CSMD1: variants seen among roughly 807,000 people sequenced by gnomAD.
The protein encoded by CSMD1 is CUB and sushi domain-containing protein 1.
In CSMD1, 213 loss-of-function variants were observed where a neutral mutation model predicts 417.5. That is an observed-to-expected ratio of 0.51 (90% CI 0.46 to 0.57). The LOEUF is 0.57. Ranked by LOEUF, CSMD1 falls within the 20% of genes least tolerant of loss-of-function variation. The probability of loss-of-function intolerance (pLI) is 0.00; values close to 1 mark genes in which losing one functional copy is unlikely to be tolerated. For synonymous variants in CSMD1, 2,862 were observed against 1,736.8 expected, an observed-to-expected ratio of 1.65 and a Z score of -16.11; for missense variants, 6,923 against 4,529.7, an observed-to-expected ratio of 1.53 and a Z score of -15.17.
chr8:3,188,176 T>C (rs1796188527), intron 35 of CSMD1, among the ~76,000 whole-genome samples: 1 of 148,410 alleles, frequency 6.7e-6, no homozygotes, highest in Admixed American at 6.8e-5. Context: ...AATGCCATAA[T>C]ATTATATATA....
At chr8:3,180,778 C>A (rs1563117172) in intron 37 of CSMD1, among the ~76,000 whole-genome samples, 1 of 151,980 alleles carries the variant, frequency 6.6e-6, no homozygotes, top group South Asian at 2.1e-4. Context: ...TACAGGCGCC[C>A]GTCACCATGC....
intron 2 of CSMD1, among the ~76,000 whole-genome samples, chr8:4,510,092 G>C (rs1040842541): frequency 7.9e-5 from 12 of 152,018 alleles, no homozygotes; most frequent in Non-Finnish European, 1.8e-4. Flanking sequence ...TAGTGAATAA[G>C]TCTAAAGAGA....
intron 1 of CSMD1, among the ~76,000 whole-genome samples, chr8:4,913,914 G>A (rs938734819): frequency 6.6e-6 from 1 of 152,234 alleles, no homozygotes; most frequent in Admixed American, 6.5e-5. Context: ...TAATTAATGC[G>A]ATTACCAAAG....
chr8:3,461,922 G>A (rs1170871625), intron 12 of CSMD1, among the ~76,000 whole-genome samples: 1 of 152,238 alleles, frequency 6.6e-6, no homozygotes, highest in East Asian at 1.9e-4. Flanking sequence ...CAGCTGAGAG[G>A]CCAGCTAAGG....
chr8:3,232,824 T>C (rs1375390326), intron 26 of CSMD1, among the ~76,000 whole-genome samples: 1 of 152,164 alleles, frequency 6.6e-6, no homozygotes, highest in African/African-American at 2.4e-5. Context: ...CGTGCTTTTA[T>C]TTTAGTAGAC....
intron 3 of CSMD1, among the ~76,000 whole-genome samples, chr8:4,286,766 T>C (rs565421663): frequency 6.6e-6 from 1 of 152,334 alleles, no homozygotes; most frequent in Admixed American, 6.5e-5. Flanking sequence ...ATTAGTTTTC[T>C]TTCCCATCGC....
intron 5 of CSMD1, among the ~76,000 whole-genome samples, chr8:3,918,059 A>C (rs74683530): frequency 0.014 from 2,114 of 152,070 alleles, 69 homozygotes; most frequent in African/African-American, 0.048. Context: ...GTAATATTTC[A>C]TTGTATATTC....
At chr8:4,262,448 G>T (rs547220750) in intron 3 of CSMD1, among the ~76,000 whole-genome samples, 1 of 152,160 alleles carries the variant, frequency 6.6e-6, no homozygotes, top group Non-Finnish European at 1.5e-5. Flanking sequence ...TGTTCCCCGC[G>T]CAGTGCAGGC....
At position 3,275,907 on chromosome 8, in the gene CSMD1, C is replaced by A. The variant is rs142379327; in HGVS notation, c.4153+8237G>T. The stretch of plus-strand genomic sequence containing the variant: ...CTGTAGCTCAGAGTAATTTGATTGT[C>A]TGAAGCCTTCTTCTCTCAGCTTGTC... On this transcript the variant is annotated intron_variant, in intron 26 of 69. Transcript: ENST00000635120. Among the ~76,000 whole-genome samples the A allele has an allele frequency of 1.2e-4, 18 of 152,264 alleles. No homozygotes were observed. The South Asian group carries it at 3.7e-3, about 32-fold the overall frequency.
chr8:3,117,834 G>C (rs1420964703), intron 42 of CSMD1, among the ~76,000 whole-genome samples: 1 of 152,012 alleles, frequency 6.6e-6, no homozygotes, highest in Non-Finnish European at 1.5e-5. Context: ...TTCTCCTATG[G>C]CTACCTGTAC....
intron 1 of CSMD1, among the ~76,000 whole-genome samples, chr8:4,932,955 C>T (rs1807345069): frequency 6.6e-6 from 1 of 152,022 alleles, no homozygotes; most frequent in Non-Finnish European, 1.5e-5. Flanking sequence ...ATGTATCTAG[C>T]CAAAATGCAG....
At chr8:4,849,659 A>T (rs1164173509) in intron 1 of CSMD1, among the ~76,000 whole-genome samples, 1 of 152,176 alleles carries the variant, frequency 6.6e-6, no homozygotes, top group Non-Finnish European at 1.5e-5. Flanking sequence ...ATTGTATTAT[A>T]GTTGTCCATA....
At chr8:4,047,177 G>A (rs1016491040) in intron 3 of CSMD1, among the ~76,000 whole-genome samples, 2 of 152,184 alleles carry the variant, frequency 1.3e-5, no homozygotes, top group Admixed American at 6.5e-5. Context: ...TATCTGACCT[G>A]TGCTGGGCCA....
chr8:4,662,909 AAG>A (rs1804689347), intron 1 of CSMD1, among the ~76,000 whole-genome samples: 1 of 152,172 alleles, frequency 6.6e-6, no homozygotes, highest in South Asian at 2.1e-4. Context: ...AAAAGACAAA[AAG>A]AGAGAAAGAA....
chr8:3,214,886 C>T (rs950337466), intron 29 of CSMD1, among the ~76,000 whole-genome samples, 195 bp from the exon 30 acceptor site: 2 of 152,214 alleles, frequency 1.3e-5, no homozygotes, highest in South Asian at 4.1e-4. Context: ...AAGAAAATTC[C>T]TTTTTAATAA....
At chr8:3,676,364 TG>T (rs1799375134) in intron 7 of CSMD1, among the ~76,000 whole-genome samples, 1 of 152,166 alleles carries the variant, frequency 6.6e-6, no homozygotes, top group African/African-American at 2.4e-5. Flanking sequence ...CAGGCAGGAT[TG>T]TTGTCAAAAC....
chr8:3,860,993 G>C (rs1478144506), intron 5 of CSMD1, among the ~76,000 whole-genome samples: 4 of 152,192 alleles, frequency 2.6e-5, no homozygotes, highest in Admixed American at 6.5e-5. Context: ...ACAAAGCATG[G>C]AAAGTATGAC....
intron 2 of CSMD1, among the ~76,000 whole-genome samples, chr8:4,545,156 T>C (rs1797574816): frequency 6.6e-6 from 1 of 152,196 alleles, no homozygotes; most frequent in Non-Finnish European, 1.5e-5. Flanking sequence ...CAGACCTTTC[T>C]TAAAAATCAT....
chr8:3,253,375 T>C (rs1399093095), intron 26 of CSMD1, among the ~76,000 whole-genome samples: 1 of 152,240 alleles, frequency 6.6e-6, no homozygotes, highest in African/African-American at 2.4e-5. Flanking sequence ...CTGGTTTGAT[T>C]GCACTGTGGT....
Sources: allele counts gnomAD v4.1 joint callset (sites outside exome capture counted in the v4.1 genomes callset), GRCh38; gene constraint gnomAD v4.1.1; transcripts MANE v1.5; gene names NCBI Gene and HGNC (gene_info 2026-07-23, HGNC 2026-07-21).